Variants in WDR41 observed in about 807,000 individuals in gnomAD.
WDR41 encodes WD repeat domain 41, also known as WD repeat-containing protein 41.
Under a neutral mutation model 69.3 loss-of-function variants are expected in WDR41, and 63 were observed. The observed-to-expected ratio is 0.91, with a 90% CI of 0.74 to 1.12. The LOEUF (loss-of-function observed/expected upper bound fraction) is 1.12. WDR41 is among the 50% of genes most tolerant of loss of function. The probability of loss-of-function intolerance (pLI) is 0.00; values close to 1 mark genes in which losing one functional copy is unlikely to be tolerated. For synonymous variants in WDR41, 185 were observed against 192.1 expected, an observed-to-expected ratio of 0.96 and a Z score of 0.31; for missense variants, 543 against 534.5, an observed-to-expected ratio of 1.02 and a Z score of -0.16.
At chr5:77,522,839 A>G (rs565806556) in intron 1 of WDR41, among the ~76,000 whole-genome samples, 1 of 152,294 alleles carries the variant, frequency 6.6e-6, no homozygotes, top group Non-Finnish European at 1.5e-5. Context: ...GAGCCACTGA[A>G]GATTTTGAAA....
chr5:77,549,792 T>C (rs1405500936), intron 1 of WDR41, among the ~76,000 whole-genome samples: 1 of 152,012 alleles, frequency 6.6e-6, no homozygotes, highest in Non-Finnish European at 1.5e-5. Flanking sequence ...TCCATAGCAA[T>C]CCTAAGCAAA....
At chr5:77,562,431 T>C (rs1743545030) in intron 1 of WDR41, among the ~76,000 whole-genome samples, 1 of 152,236 alleles carries the variant, frequency 6.6e-6, no homozygotes, top group Non-Finnish European at 1.5e-5. Flanking sequence ...AATATGTATC[T>C]GCACTGTTAA....
chr5:77,509,144 C>G (rs1023887019), intron 1 of WDR41, among the ~76,000 whole-genome samples: 42 of 152,192 alleles, frequency 2.8e-4, no homozygotes, highest in African/African-American at 9.7e-4. Context: ...TCAATATAAT[C>G]TTTCAATCAA....
At chr5:77,458,036 A>G (rs1799901603) in intron 5 of WDR41, among the ~76,000 whole-genome samples, 1 of 152,084 alleles carries the variant, frequency 6.6e-6, no homozygotes, top group African/African-American at 2.4e-5. Context: ...CAAGCCACAT[A>G]TTTTCATTGG....
chr5:77,584,530 CAAAT>C (rs2112296734), intron 1 of WDR41, among the ~76,000 whole-genome samples: 2 of 152,106 alleles, frequency 1.3e-5, no homozygotes, highest in Non-Finnish European at 2.9e-5. Context: ...TTTAAGAAGA[CAAAT>C]AAATTTAAGA....
chr5:77,515,690 C>A (rs1802281567), intron 1 of WDR41, among the ~76,000 whole-genome samples: 1 of 152,078 alleles, frequency 6.6e-6, no homozygotes, highest in Admixed American at 6.6e-5. Context: ...CATCACTAGG[C>A]AATAGGAATT....
chr5:77,481,388 T>C (rs1445660596), intron 2 of WDR41, among the ~76,000 whole-genome samples: 2 of 152,162 alleles, frequency 1.3e-5, no homozygotes, highest in Non-Finnish European at 1.5e-5. Context: ...TAAGCCTGTA[T>C]CTGAATGGGA....
intron 1 of WDR41, among the ~76,000 whole-genome samples, chr5:77,600,594 A>T (rs1159573327): frequency 2.6e-5 from 4 of 152,160 alleles, no homozygotes; most frequent in Admixed American, 2.6e-4. Flanking sequence ...AATTTCACAT[A>T]GTTGAGGCCG....
chr5:77,436,894 C>T (rs1798955730), intron 11 of WDR41, among the ~76,000 whole-genome samples: 1 of 152,048 alleles, frequency 6.6e-6, no homozygotes, highest in Non-Finnish European at 1.5e-5. Context: ...AAACTAAACA[C>T]CTGGAAGTCA....
At chr5:77,588,333 G>C (rs902758895) in intron 1 of WDR41, among the ~76,000 whole-genome samples, 2 of 151,918 alleles carry the variant, frequency 1.3e-5, no homozygotes, top group Non-Finnish European at 2.9e-5. Flanking sequence ...TTTGAATTCT[G>C]TTTAGAAAAA....
chr5:77,460,071 T>C, intron 4 of WDR41, among the ~76,000 whole-genome samples: 1 of 152,064 alleles, frequency 6.6e-6, no homozygotes, highest in Non-Finnish European at 1.5e-5. Flanking sequence ...ACCCTTGTGA[T>C]CTTATAGCTG....
At chr5:77,473,460 A>C (rs545011791) in intron 2 of WDR41, among the ~76,000 whole-genome samples, 3 of 152,238 alleles carry the variant, frequency 2.0e-5, no homozygotes, top group East Asian at 1.9e-4. Flanking sequence ...TAATTAAACT[A>C]AAGAGCTTCT....
intron 1 of WDR41, among the ~76,000 whole-genome samples, chr5:77,596,223 C>T (rs1179082832): frequency 2.0e-5 from 3 of 152,188 alleles, no homozygotes; most frequent in Admixed American, 6.5e-5. Flanking sequence ...TCTTGGCTCA[C>T]TGCAACCTCC....
intron 1 of WDR41, among the ~76,000 whole-genome samples, chr5:77,503,970 G>C (rs1334376375): frequency 6.6e-6 from 1 of 152,074 alleles, no homozygotes; most frequent in Non-Finnish European, 1.5e-5. Flanking sequence ...AAAAGAACTA[G>C]AGAAGCAAGA....
intron 1 of WDR41, among the ~76,000 whole-genome samples, chr5:77,586,447 C>A (rs1332096237): frequency 6.6e-6 from 1 of 152,044 alleles, no homozygotes; most frequent in Non-Finnish European, 1.5e-5. Flanking sequence ...ATTGAAACTA[C>A]AGGTGTGTGC....
At chr5:77,532,343 G>A (rs1183458416) in intron 1 of WDR41, among the ~76,000 whole-genome samples, 1 of 152,094 alleles carries the variant, frequency 6.6e-6, no homozygotes, top group African/African-American at 2.4e-5. Flanking sequence ...CTCAAATGCT[G>A]CTAGTGGAGA....
intron 1 of WDR41, among the ~76,000 whole-genome samples, chr5:77,560,917 T>C (rs1436580572): frequency 6.6e-6 from 1 of 152,172 alleles, no homozygotes; most frequent in Non-Finnish European, 1.5e-5. Context: ...TACAGTTTCA[T>C]GAAACTTCTT....
At chr5:77,478,099 C>T (rs1330174589) in intron 2 of WDR41, among the ~76,000 whole-genome samples, 8 of 152,320 alleles carry the variant, frequency 5.3e-5, no homozygotes, top group African/African-American at 1.9e-4. Context: ...TTCCTCGACA[C>T]ATACACCCTC....
In WDR41 at chr5:77,433,048, T is replaced by A. The variant is rs775720832; in HGVS notation, c.*87A>T. 2.9e-6 allele frequency: 4 copies of A among 1,377,366 alleles called. No homozygotes were observed. Among genetic ancestry groups the A allele is most frequent in the Non-Finnish European group, 3.8e-6 (4 of 1,042,854 alleles). The allele number at this position is 1,377,366 out of a possible 1,614,324, so 85.3% of individuals were successfully genotyped here. A position where few individuals can be genotyped will look rare whatever the true frequency, so the allele number is the denominator to read the frequency against. ...GGACTGACAAAAAAAATTACCAATT[T>A]AAGTGATCAATATATTAATGGTTTT... On this transcript the variant is annotated 3_prime_UTR_variant, in exon 13 of 13. Transcript: ENST00000296679.
Sources: allele counts gnomAD v4.1 joint callset (sites outside exome capture counted in the v4.1 genomes callset), GRCh38; gene constraint gnomAD v4.1.1; transcripts MANE v1.5; gene names NCBI Gene and HGNC (gene_info 2026-07-23, HGNC 2026-07-21).